The following SPTBN4 variants were observed in gnomAD, a reference collection of about 807,000 sequenced individuals.
The protein encoded by SPTBN4 is spectrin beta chain, non-erythrocytic 4.
Under a neutral mutation model 277.8 loss-of-function variants are expected in SPTBN4, and 96 were observed. The ratio of observed to expected loss-of-function variants is 0.35; its 90% CI spans 0.29 to 0.41. The LOEUF (loss-of-function observed/expected upper bound fraction) is 0.41. SPTBN4 is among the 10% of genes least tolerant of loss of function. The pLI is 1.00. For synonymous variants in SPTBN4, 1,481 were observed against 1,580.3 expected, an observed-to-expected ratio of 0.94 and a Z score of 1.49; for missense variants, 3,006 against 3,595.7, an observed-to-expected ratio of 0.84 and a Z score of 4.19.
intron 33 of SPTBN4, 49 bp downstream of exon 33, chr19:40,570,777 A>G (rs1397181844): frequency 6.3e-7 from 1 of 1,577,350 alleles, no homozygotes; most frequent in African/African-American, 1.4e-5. Context: ...GCTCAGGGTG[A>G]CCATTGCGTG....
chr19:40,512,860 C>T lies in SPTBN4; in HGVS notation c.2071C>T (p.Leu691=). 6.9e-7 allele frequency: 1 copy of T among 1,442,078 alleles called. No individual in the cohort carries two copies. Among genetic ancestry groups the T allele is most frequent in the Non-Finnish European group, 9.0e-7 (1 of 1,110,420 alleles). 89.3% of individuals were successfully genotyped at this position (1,442,078 alleles called of 1,614,324 possible). A position where few individuals can be genotyped will look rare whatever the true frequency, so the allele number is the denominator to read the frequency against. ...GGGAACAGCGGGCGGCGCGCATGACCTGTCCAGCACAGCGCGCCTCCTGGC... is the reference window on the plus strand; with the variant it reads ...GGGAACAGCGGGCGGCGCGCATGACTTGTCCAGCACAGCGCGCCTCCTGGC... ...AAGTAGGAHD[L]SSTARLLAQH... Residue 691 remains leucine (L), a synonymous_variant, in exon 14 of 36, where the codon CTG becomes TTG. Coordinates refer to ENST00000598249, the MANE Select transcript of SPTBN4 (RefSeq NM_020971.3).
intron 1 of SPTBN4, among the ~76,000 whole-genome samples, chr19:40,469,805 G>A (rs1337731067): frequency 1.3e-5 from 2 of 148,946 alleles, no homozygotes; most frequent in African/African-American, 5.0e-5. Context: ...CACCATACCC[G>A]GCTAGTTTTT....
Position 40,556,231 on chromosome 19 carries a change from C to T in SPTBN4, c.5232C>T (p.Ala1744=), listed in dbSNP as rs1379719431. 14 of 1,613,258 alleles carry T rather than the reference C, an allele frequency of 8.7e-6. No homozygotes were observed. The highest frequency in any genetic ancestry group is 1.7e-4 in the Middle Eastern group (1 of 5,826). ...TGAGCGAGCTTGAGCACTGGATTGC[C>T]GAGAAGGAGGTGGTGGCTGGCTCAC... is the stretch of plus-strand genomic sequence containing the variant. ...RQVSELEHWI[A]EKEVVAGSPE... is the part of the protein sequence containing the mutation. Residue 1744 remains alanine (A), a synonymous_variant, in exon 25 of 36, where the codon GCC becomes GCT. Transcript: ENST00000598249.
Position 40,572,100 on chromosome 19 carries a change from C to T in SPTBN4, c.7401C>T (p.Ser2467=). The change falls in exon 34 of 36, where the codon AGC becomes AGT. Residue 2467 remains serine (S), a synonymous_variant. Coordinates refer to ENST00000598249, the MANE Select transcript of SPTBN4 (RefSeq NM_020971.3). ...ACTCCAAGGGCCCGGCATCCGGGAG[C>T]ACACACGGTGGGGAACCGCTGCTCA... ...YKDSKGPASG[S]THGGEPLLSL... is the part of the protein sequence containing the mutation. 1 of 1,613,136 alleles carries T rather than the reference C, an allele frequency of 6.2e-7. No homozygotes were observed. The highest frequency in any genetic ancestry group is 8.5e-7 in the Non-Finnish European group (1 of 1,179,574).
chr19:40,495,021 C>T (rs997279931), intron 6 of SPTBN4, 44 bp downstream of exon 6: 7 of 1,579,764 alleles, frequency 4.4e-6, no homozygotes, highest in Non-Finnish European at 5.2e-6. Flanking sequence ...CTTCAGCCCC[C>T]CATATCCCTG....
At chr19:40,545,241 G>A (rs71358913) in intron 20 of SPTBN4, among the ~76,000 whole-genome samples, 67,491 of 151,448 alleles carry the variant, frequency 0.45, 15,886 homozygotes, top group African/African-American at 0.52. Context: ...GATTACAGGC[G>A]TGCATCACCA....
chr19:40,472,896 A>G (rs767169219), intron 2 of SPTBN4, 106 bp downstream of exon 2: 11 of 1,156,548 alleles, frequency 9.5e-6, no homozygotes, highest in South Asian at 3.3e-5. Flanking sequence ...GCACTGTCCA[A>G]TAGAACTTTC....
At chr19:40,518,256 A>C (rs1599757562) in intron 15 of SPTBN4, among the ~76,000 whole-genome samples, 1 of 152,110 alleles carries the variant, frequency 6.6e-6, no homozygotes, top group Admixed American at 6.6e-5. Context: ...CAGTGAGCTG[A>C]GATCGTGCCA....
chr19:40,469,234 A>C (rs926172015), intron 1 of SPTBN4, among the ~76,000 whole-genome samples: 4 of 151,138 alleles, frequency 2.6e-5, no homozygotes, highest in African/African-American at 9.7e-5. Context: ...GAGGACATTG[A>C]TCTCCCAACT....
rs998439058 is a variant in SPTBN4, at chr19:40,570,347, A to G, written c.7027-89A>G. 1.7e-5 allele frequency: 14 copies of G among 825,950 alleles called. No individual in the cohort carries two copies. In the African/African-American group the frequency reaches 2.4e-4, roughly 14 times the overall value. 51.2% of individuals were successfully genotyped at this position (825,950 alleles called of 1,614,324 possible). A position where few individuals can be genotyped will look rare whatever the true frequency, so the allele number is the denominator to read the frequency against. On this transcript the variant is annotated intron_variant, in intron 32 of 35. Coordinates refer to ENST00000598249, the MANE Select transcript of SPTBN4 (RefSeq NM_020971.3). The stretch of plus-strand genomic sequence containing the variant: ...CCGAGACAAATGGCCCTGTAGACAG[A>G]TGGGACCCCAGACCCATGACTCCCC...
At chr19:40,541,359 C>T (rs2080799887) in intron 20 of SPTBN4, among the ~76,000 whole-genome samples, 1 of 152,182 alleles carries the variant, frequency 6.6e-6, no homozygotes, top group African/African-American at 2.4e-5. Flanking sequence ...CAGCACGAGA[C>T]TCCTGGGCCC....
chr19:40,495,579 C>T (rs751018437), intron 6 of SPTBN4, among the ~76,000 whole-genome samples: 6 of 151,900 alleles, frequency 3.9e-5, no homozygotes, highest in Admixed American at 6.6e-5. Flanking sequence ...ACCCAGGAGG[C>T]GGAGGTTGCA....
intron 18 of SPTBN4, among the ~76,000 whole-genome samples, chr19:40,531,076 T>C (rs2080664478): frequency 6.6e-6 from 1 of 151,606 alleles, no homozygotes; most frequent in Admixed American, 6.6e-5. Flanking sequence ...CCTTGGATTT[T>C]CTCTGGGTCT....
intron 20 of SPTBN4, among the ~76,000 whole-genome samples, chr19:40,548,063 C>A (rs2080877561): frequency 6.6e-6 from 1 of 152,196 alleles, no homozygotes; most frequent in South Asian, 2.1e-4. Flanking sequence ...AATAATCCAT[C>A]TTTCCCTTGG....
At chr19:40,551,810 A>C (rs1478943286) in intron 22 of SPTBN4, among the ~76,000 whole-genome samples, 2 of 151,936 alleles carry the variant, frequency 1.3e-5, no homozygotes, top group Non-Finnish European at 2.9e-5. Flanking sequence ...CCTGGGCAAC[A>C]TGGGGAAACC....
Position 40,500,111 on chromosome 19 carries a change from A to G in SPTBN4, c.785-1810A>G, listed in dbSNP as rs575256196. On this transcript the variant is annotated intron_variant, in intron 7 of 35. Transcript: ENST00000598249. ...GTAGTCCCAGCTACACAGGAGGCCA[A>G]GGCAGGAGGATCACTTGAGCCCAGG... is the stretch of plus-strand genomic sequence containing the variant. Among the ~76,000 whole-genome samples, 5 of 151,308 alleles carry G rather than the reference A, an allele frequency of 3.3e-5. No individual in the cohort carries two copies. In the South Asian group the frequency reaches 1.0e-3, roughly 31 times the overall value.
chr19:40,542,133 G>T (rs1485720587), intron 20 of SPTBN4, among the ~76,000 whole-genome samples: 3 of 152,146 alleles, frequency 2.0e-5, no homozygotes, highest in Non-Finnish European at 2.9e-5. Context: ...TGTTGGCCAG[G>T]TTGGTCTTGA....
intron 25 of SPTBN4, among the ~76,000 whole-genome samples, chr19:40,556,504 T>C (rs944698232): frequency 6.6e-5 from 10 of 152,204 alleles, no homozygotes; most frequent in African/African-American, 2.2e-4. Flanking sequence ...ATTATTTTAT[T>C]GTTACTTATT....
At chr19:40,510,228 C>T (rs561384741) in intron 13 of SPTBN4, among the ~76,000 whole-genome samples, 56 of 152,146 alleles carry the variant, frequency 3.7e-4, no homozygotes, top group Non-Finnish European at 7.2e-4. Flanking sequence ...ACACTGGCCT[C>T]ATAGGATGGT....
Sources: gnomAD v4.1 joint callset for allele counts (sites outside exome capture counted in the v4.1 genomes callset) on GRCh38, gnomAD v4.1.1 for gene constraint, MANE v1.5 for transcripts, NCBI Gene and HGNC (gene_info 2026-07-23, HGNC 2026-07-21) for gene names.